GRM8: variants seen among roughly 807,000 people sequenced by gnomAD.
GRM8 encodes metabotropic glutamate receptor 8.
A neutral mutation model predicts 87.2 loss-of-function variants in GRM8; 47 were observed. That is an observed-to-expected ratio of 0.54 (90% confidence interval 0.43 to 0.69). The LOEUF is 0.69. Among genes scored for constraint, GRM8 ranks in the 30% least tolerant of loss-of-function variants. The pLI is 0.00. For synonymous variants in GRM8, 396 were observed against 404.5 expected, an observed-to-expected ratio of 0.98 and a Z score of 0.25; for missense variants, 1,019 against 1,139.2, an observed-to-expected ratio of 0.89 and a Z score of 1.52.
chr7:126,489,830 G>T (rs1253659238), intron 9 of GRM8, among the ~76,000 whole-genome samples: 1 of 151,998 alleles, frequency 6.6e-6, no homozygotes, highest in Non-Finnish European at 1.5e-5. Flanking sequence ...GAATAAAGAA[G>T]ATCTGTCTTC....
chr7:127,018,995 T>G (rs2132196129), intron 3 of GRM8, among the ~76,000 whole-genome samples: 1 of 152,084 alleles, frequency 6.6e-6, no homozygotes, highest in Middle Eastern at 3.4e-3. Flanking sequence ...TTACTTGAAA[T>G]CAAATACAAT....
At chr7:126,951,235 GA>G (rs1462146495) in intron 3 of GRM8, among the ~76,000 whole-genome samples, 2 of 152,016 alleles carry the variant, frequency 1.3e-5, no homozygotes, top group Non-Finnish European at 2.9e-5. Context: ...TTTGTACAAA[GA>G]AAATATGGAA....
intron 7 of GRM8, among the ~76,000 whole-genome samples, chr7:126,725,520 T>C (rs925951426): frequency 2.6e-5 from 4 of 152,196 alleles, no homozygotes; most frequent in African/African-American, 9.6e-5. Flanking sequence ...CAGAATGTCT[T>C]CTGGCTTCCA....
chr7:127,074,392 A>G (rs1822044839), intron 3 of GRM8, among the ~76,000 whole-genome samples: 1 of 152,158 alleles, frequency 6.6e-6, no homozygotes, highest in Non-Finnish European at 1.5e-5. Flanking sequence ...AAGGACAAGG[A>G]CAGCAGAGGG....
intron 2 of GRM8, among the ~76,000 whole-genome samples, chr7:127,117,749 C>G (rs1005925147): frequency 6.6e-6 from 1 of 152,210 alleles, no homozygotes; most frequent in African/African-American, 2.4e-5. Flanking sequence ...TATCACCTAG[C>G]ATTTAATTTT....
Position 127,110,033 on chromosome 7 carries a change from TC to T in GRM8, c.511-3322del, listed in dbSNP as rs1476696706. Among the ~76,000 whole-genome samples the T allele has an allele frequency of 2.6e-5, 4 of 152,266 alleles. No individual in the cohort carries two copies. In the East Asian group the frequency reaches 7.7e-4, roughly 29 times the overall value. ...CGACAGAAAGAAGTTAGAGTATTTA[TC>T]CCACAGTTTCTTTTTCCACTGGCTC... On this transcript the variant is annotated intron_variant, in intron 2 of 10. Transcript: ENST00000339582.
chr7:126,836,464 T>C (rs1398090507), intron 6 of GRM8, among the ~76,000 whole-genome samples: 1 of 152,186 alleles, frequency 6.6e-6, no homozygotes, highest in Non-Finnish European at 1.5e-5. Flanking sequence ...TTCCATAACA[T>C]AGCCCACAAT....
At chr7:127,118,719 G>C (rs1826850782) in intron 2 of GRM8, among the ~76,000 whole-genome samples, 1 of 152,154 alleles carries the variant, frequency 6.6e-6, no homozygotes, top group Admixed American at 6.5e-5. Context: ...TCTGACCCCG[G>C]ATTCATTTCT....
At chr7:126,528,714 T>C (rs1049844505) in intron 9 of GRM8, among the ~76,000 whole-genome samples, 1 of 152,052 alleles carries the variant, frequency 6.6e-6, no homozygotes, top group African/African-American at 2.4e-5. Context: ...TCAAGTCTTC[T>C]CTAGTTCGAG....
intron 8 of GRM8, among the ~76,000 whole-genome samples, chr7:126,606,972 T>C (rs2151092337): frequency 6.6e-6 from 1 of 152,352 alleles, no homozygotes. Context: ...TCTCAAACAC[T>C]GGATTTTGCT....
intron 2 of GRM8, among the ~76,000 whole-genome samples, chr7:127,161,298 G>C (rs1563550262): frequency 6.6e-6 from 1 of 152,072 alleles, no homozygotes; most frequent in Non-Finnish European, 1.5e-5. Context: ...TCAAGATTTA[G>C]AAAAAACAAG....
chr7:126,993,313 A>T (rs571544412), intron 3 of GRM8, among the ~76,000 whole-genome samples: 4 of 152,340 alleles, frequency 2.6e-5, no homozygotes, highest in African/African-American at 9.6e-5. Context: ...GATAAACAAA[A>T]TGTGGTATAT....
intron 9 of GRM8, among the ~76,000 whole-genome samples, chr7:126,480,652 ATGT>A (rs1806561211): frequency 6.6e-6 from 1 of 152,112 alleles, no homozygotes; most frequent in South Asian, 2.1e-4. Flanking sequence ...GACCCTTGTA[ATGT>A]TGGTTCAAAG....
At chr7:127,168,629 C>T (rs1297478655) in intron 2 of GRM8, among the ~76,000 whole-genome samples, 2 of 152,070 alleles carry the variant, frequency 1.3e-5, no homozygotes, top group Non-Finnish European at 2.9e-5. Context: ...CAATGATAGA[C>T]TGGATAAAGA....
At chr7:126,632,360 A>C (rs879106912) in intron 7 of GRM8, among the ~76,000 whole-genome samples, 1 of 152,186 alleles carries the variant, frequency 6.6e-6, no homozygotes, top group African/African-American at 2.4e-5. Flanking sequence ...CAGAATGGCG[A>C]CTATTAAAAA....
intron 6 of GRM8, among the ~76,000 whole-genome samples, chr7:126,866,012 T>A (rs1798561454): frequency 6.6e-6 from 1 of 152,236 alleles, no homozygotes; most frequent in Non-Finnish European, 1.5e-5. Context: ...AGACTGTTTT[T>A]CAAAGTGGCT....
intron 3 of GRM8, among the ~76,000 whole-genome samples, chr7:127,045,865 C>T (rs927484556): frequency 6.6e-6 from 1 of 152,140 alleles, no homozygotes; most frequent in African/African-American, 2.4e-5. Context: ...TGTCTGGCTA[C>T]TCTTTCAATT....
chr7:126,577,600 G>T (rs1187731402), intron 8 of GRM8, among the ~76,000 whole-genome samples: 2 of 151,580 alleles, frequency 1.3e-5, no homozygotes, highest in African/African-American at 4.8e-5. Flanking sequence ...TTACATTCCA[G>T]TACTGTAACC....
rs559920689 is a variant in GRM8, at chr7:126,921,393, C to A, written c.728-16710G>T. ...GGCTTAACTTTCCAATTTTGAAATCCCCAAAAGAGAAAATAGAGGCCATTA... is the reference window on the plus strand; with the variant it reads ...GGCTTAACTTTCCAATTTTGAAATCACCAAAAGAGAAAATAGAGGCCATTA... On this transcript the variant is annotated intron_variant, in intron 3 of 10. Coordinates refer to ENST00000339582, the MANE Select transcript of GRM8 (RefSeq NM_000845.3). Among the ~76,000 whole-genome samples, 10 of 151,962 alleles carry A rather than the reference C, an allele frequency of 6.6e-5. No individual in the cohort carries two copies. The Middle Eastern group carries it at 0.017, about 258-fold the overall frequency.
Sources: gnomAD v4.1 joint callset for allele counts (sites outside exome capture counted in the v4.1 genomes callset) on GRCh38, gnomAD v4.1.1 for gene constraint, MANE v1.5 for transcripts, NCBI Gene and HGNC (gene_info 2026-07-23, HGNC 2026-07-21) for gene names.